Variants in ADRA1A observed in about 807,000 individuals in gnomAD.
ADRA1A encodes the protein adrenoceptor alpha 1A.
A neutral mutation model predicts 29.6 loss-of-function variants in ADRA1A; 31 were observed. The ratio of observed to expected loss-of-function variants is 1.05; its 90% CI spans 0.79 to 1.41. The LOEUF (loss-of-function observed/expected upper bound fraction) is 1.41, where lower values mean the gene tolerates loss of function less well. ADRA1A is among the 40% of genes most tolerant of loss of function. The pLI is 0.00. For missense variants in ADRA1A, 619 were observed against 601.1 expected (o/e 1.03, Z -0.31); for synonymous variants, 311 against 254.3 (o/e 1.22, Z -2.12).
chr8:26,789,309 A>C (rs1037335968), intron 2 of ADRA1A, among the ~76,000 whole-genome samples: 10 of 152,234 alleles, frequency 6.6e-5, no homozygotes, highest in Non-Finnish European at 1.5e-4. Context: ...ATGTAAAAAT[A>C]GACACATAGA....
Position 26,806,735 on chromosome 8 carries a change from T to C in ADRA1A, c.884-36069A>G, listed in dbSNP as rs1809016982. Among the ~76,000 whole-genome samples, 1 of 152,154 alleles carries C rather than the reference T, an allele frequency of 6.6e-6. No individual in the cohort carries two copies. Among genetic ancestry groups the C allele is most frequent in the Non-Finnish European group, 1.5e-5 (1 of 68,026 alleles). On this transcript the variant is annotated intron_variant, in intron 2 of 2. Coordinates refer to ENST00000380573, the MANE Select transcript of ADRA1A (RefSeq NM_000680.4). The surrounding 1 kb of genome is among the most constrained non-coding windows in gnomAD (Gnocchi z 4.6). The stretch of plus-strand genomic sequence containing the variant: ...TCGGTCATTACATAAAGCTGCCACA[T>C]GCCTGGAAGGAGGAAATAGGAAGAG...
chr8:26,765,634 A>G (rs1231076032), downstream of ADRA1A, among the ~76,000 whole-genome samples: 1 of 152,222 alleles, frequency 6.6e-6, no homozygotes, highest in East Asian at 1.9e-4. Context: ...TGATGTCTCC[A>G]TATTTGCCTC....
intron 2 of ADRA1A, among the ~76,000 whole-genome samples, chr8:26,789,244 T>C (rs925046138): frequency 6.6e-6 from 1 of 152,146 alleles, no homozygotes; most frequent in African/African-American, 2.4e-5. Context: ...GGCAACACAC[T>C]ACATGCCTTC....
intron 2 of ADRA1A, chr8:26,859,062 A>G: frequency 7.8e-7 from 1 of 1,280,202 alleles, no homozygotes; most frequent in South Asian, 1.3e-5. Flanking sequence ...CCTATTAAAC[A>G]TGGGTGTTTC....
intron 2 of ADRA1A, among the ~76,000 whole-genome samples, chr8:26,827,574 G>A (rs988081442): frequency 1.3e-5 from 2 of 152,224 alleles, no homozygotes; most frequent in Non-Finnish European, 2.9e-5. Flanking sequence ...GTCCTCACAA[G>A]GTGGAAGGGA....
At chr8:26,799,752 G>A (rs1445131517) in intron 2 of ADRA1A, among the ~76,000 whole-genome samples, 1 of 152,134 alleles carries the variant, frequency 6.6e-6, no homozygotes, top group Non-Finnish European at 1.5e-5. Context: ...GGGACAATAA[G>A]TGAATATTTT....
At chr8:26,802,405 A>G in intron 2 of ADRA1A, among the ~76,000 whole-genome samples, 1 of 152,226 alleles carries the variant, frequency 6.6e-6, no homozygotes, top group Non-Finnish European at 1.5e-5. Flanking sequence ...CTGATTAAAA[A>G]TGGGTGAAAG....
intron 2 of ADRA1A, among the ~76,000 whole-genome samples, chr8:26,780,564 A>C (rs1352010942): frequency 2.6e-5 from 4 of 152,182 alleles, no homozygotes; most frequent in African/African-American, 2.4e-5. Flanking sequence ...TCTTTGTTAC[A>C]GTATAGCTTG....
intron 2 of ADRA1A, among the ~76,000 whole-genome samples, chr8:26,842,082 C>T (rs1181462779): frequency 4.6e-5 from 7 of 152,110 alleles, no homozygotes; most frequent in African/African-American, 1.4e-4. Flanking sequence ...TCACCAAATG[C>T]CAATTATTTC....
rs1448021026 is a variant in ADRA1A, at chr8:26,815,839, A to G, written c.884-45173T>C. 6.6e-6 allele frequency among the ~76,000 whole-genome samples: 1 copy of G among 152,208 alleles called. No homozygotes were observed. The highest frequency in any genetic ancestry group is 1.5e-5 in the Non-Finnish European group (1 of 68,044). On this transcript the variant is annotated intron_variant, in intron 2 of 2. Coordinates refer to ENST00000380573, the MANE Select transcript of ADRA1A (RefSeq NM_000680.4). This position sits in a 1 kb window ranked among gnomAD's most constrained non-coding sequence, Gnocchi z 4.2. ...TGTGTTCCCTATAAAACAAAGGGTA[A>G]GGCAGTGAGTGATTAAGTGCTAATG...
chr8:26,850,030 A>AAAAAAACCAAAAAC (rs1491308268), intron 2 of ADRA1A, among the ~76,000 whole-genome samples: 2 of 146,616 alleles, frequency 1.4e-5, no homozygotes, highest in Non-Finnish European at 3.0e-5. Context: ...AAATGCAAAA[A>AAAAAAACCAAAAAC]CAAAAAACAA....
chr8:26,773,792 TTGCGTG>T (rs1806346710), intron 2 of ADRA1A, among the ~76,000 whole-genome samples: 2 of 152,162 alleles, frequency 1.3e-5, no homozygotes, highest in Middle Eastern at 3.2e-3. Flanking sequence ...CCTTCTTTCC[TTGCGTG>T]GCCCTGCTCT....
chr8:26,758,726 G>A lies in ADRA1A; in HGVS notation c.1270-1947C>T, dbSNP rs1369330962. 2.6e-5 allele frequency among the ~76,000 whole-genome samples: 4 copies of A among 152,190 alleles called. No homozygotes were observed. In the East Asian group the frequency reaches 5.8e-4, roughly 22 times the overall value. Reference sequence around the variant, plus strand: ...TGCCCTTCCTAGCATGGGCATTGGGGTGGAGTTGGGAAGGTCACGTTTAGC... The same window carrying A: ...TGCCCTTCCTAGCATGGGCATTGGGATGGAGTTGGGAAGGTCACGTTTAGC... On this transcript the variant is annotated intron_variant, in intron 2 of 2. Coordinates refer to the ADRA1A transcript ENST00000380582.
intron 2 of ADRA1A, among the ~76,000 whole-genome samples, chr8:26,816,533 ATGTGTGTGTGTGTGTGTGTG>A (rs59536491): frequency 1.4e-5 from 2 of 147,506 alleles, no homozygotes; most frequent in East Asian, 4.1e-4. Context: ...CTCATGGTGT[ATGTGTGTGTGTGTGTGTGTG>A]TGTGTGTGTG....
At chr8:26,826,344 C>T (rs908537658) in intron 2 of ADRA1A, among the ~76,000 whole-genome samples, 1 of 152,210 alleles carries the variant, frequency 6.6e-6, no homozygotes, top group Non-Finnish European at 1.5e-5. Context: ...CCTGCAAAGG[C>T]CTTGGAGTGA....
chr8:26,843,051 C>T (rs528990792), intron 2 of ADRA1A, among the ~76,000 whole-genome samples: 1 of 152,300 alleles, frequency 6.6e-6, no homozygotes, highest in African/African-American at 2.4e-5. Context: ...TCTATGGAAA[C>T]TTCCCTAATT....
intron 2 of ADRA1A, among the ~76,000 whole-genome samples, chr8:26,797,486 A>G (rs74964042): frequency 0.013 from 1,979 of 151,866 alleles, 48 homozygotes; most frequent in African/African-American, 0.045. Flanking sequence ...TTTTGTGAAG[A>G]TGGGGTCTCA....
At chr8:26,773,266 A>T (rs1806311432) in intron 2 of ADRA1A, among the ~76,000 whole-genome samples, 2 of 152,218 alleles carry the variant, frequency 1.3e-5, no homozygotes, top group Admixed American at 1.3e-4. Flanking sequence ...GGAGTGATAA[A>T]GTGTGCAGCT....
chr8:26,767,614 A>T (rs1805862381), downstream of ADRA1A, among the ~76,000 whole-genome samples: 1 of 152,160 alleles, frequency 6.6e-6, no homozygotes, highest in South Asian at 2.1e-4. Context: ...TGACTGAAAG[A>T]TTCTCTAGTT....
Sources: allele counts gnomAD v4.1 joint callset (sites outside exome capture counted in the v4.1 genomes callset), GRCh38; gene constraint gnomAD v4.1.1; non-coding constraint Gnocchi (gnomAD v3.1); transcripts MANE v1.5; gene names NCBI Gene and HGNC (gene_info 2026-07-23, HGNC 2026-07-21).